ZNF385B: variants seen among roughly 807,000 people sequenced by gnomAD.
ZNF385B encodes zinc finger protein 385B.
Under a neutral mutation model 39.2 loss-of-function variants are expected in ZNF385B, and 23 were observed. The ratio of observed to expected loss-of-function variants is 0.59; its 90% CI spans 0.42 to 0.83. The LOEUF (loss-of-function observed/expected upper bound fraction) is 0.83, where lower values mean the gene tolerates loss of function less well. Ranked by LOEUF, ZNF385B falls within the 40% of genes least tolerant of loss-of-function variation. The probability of loss-of-function intolerance (pLI) is 0.00; values close to 1 mark genes in which losing one functional copy is unlikely to be tolerated. For missense variants in ZNF385B, 552 were observed against 598.9 expected, an observed-to-expected ratio of 0.92 and a Z score of 0.82; for synonymous variants, 205 against 222.6, an observed-to-expected ratio of 0.92 and a Z score of 0.70.
At chr2:179,738,793 C>A (rs972724100) in intron 3 of ZNF385B, among the ~76,000 whole-genome samples, 1 of 152,158 alleles carries the variant, frequency 6.6e-6, no homozygotes, top group African/African-American at 2.4e-5. Flanking sequence ...ATAACATCTA[C>A]AGATTTAATG....
intron 3 of ZNF385B, among the ~76,000 whole-genome samples, chr2:179,670,618 G>A (rs1238362851): frequency 6.6e-6 from 1 of 152,158 alleles, no homozygotes; most frequent in Non-Finnish European, 1.5e-5. Context: ...CAAAAGTTCT[G>A]AAAAGCTAAT....
intron 3 of ZNF385B, among the ~76,000 whole-genome samples, chr2:179,713,258 G>T (rs1005634432): frequency 6.6e-6 from 1 of 152,118 alleles, no homozygotes. Flanking sequence ...TGGAAAATAG[G>T]ATAAATGCAT....
At chr2:179,446,917 A>T (rs1295050988) in intron 6 of ZNF385B, 147 bp from the exon 7 acceptor site, 1 of 986,386 alleles carries the variant, frequency 1.0e-6, no homozygotes. Flanking sequence ...GGTTAAATCA[A>T]CCTCTATGTT....
At chr2:179,512,223 A>G (rs1196522891) in intron 5 of ZNF385B, among the ~76,000 whole-genome samples, 1 of 152,096 alleles carries the variant, frequency 6.6e-6, no homozygotes, top group Admixed American at 6.6e-5. Flanking sequence ...TTTATAATAA[A>G]CTGTTCTGAG....
chr2:179,509,300 G>C (rs1421079535), intron 5 of ZNF385B, among the ~76,000 whole-genome samples: 1 of 152,022 alleles, frequency 6.6e-6, no homozygotes, highest in Non-Finnish European at 1.5e-5. Context: ...ATAAGGTAAT[G>C]CTGAGAAAGG....
chr2:179,691,383 CT>C (rs2106344316), intron 3 of ZNF385B, among the ~76,000 whole-genome samples: 1 of 152,214 alleles, frequency 6.6e-6, no homozygotes, highest in South Asian at 2.1e-4. Flanking sequence ...GAAGAAATAT[CT>C]AAATGTCAGT....
intron 1 of ZNF385B, among the ~76,000 whole-genome samples, chr2:179,771,696 T>C (rs1704022523): frequency 6.6e-6 from 1 of 152,212 alleles, no homozygotes; most frequent in Non-Finnish European, 1.5e-5. Flanking sequence ...CTCATACACC[T>C]TAAGAAAATA....
intron 5 of ZNF385B, among the ~76,000 whole-genome samples, chr2:179,501,128 T>C (rs916822488): frequency 6.6e-6 from 1 of 152,174 alleles, no homozygotes; most frequent in Non-Finnish European, 1.5e-5. Flanking sequence ...GGAACCCTTG[T>C]GCACTATTGG....
At chr2:179,582,563 C>T (rs1016614039) in intron 3 of ZNF385B, among the ~76,000 whole-genome samples, 1 of 152,086 alleles carries the variant, frequency 6.6e-6, no homozygotes, top group Admixed American at 6.6e-5. Context: ...TCCTTTAGTT[C>T]TTGAGGAGAC....
intron 3 of ZNF385B, among the ~76,000 whole-genome samples, chr2:179,641,790 A>G (rs1692289180): frequency 6.6e-6 from 1 of 152,128 alleles, no homozygotes; most frequent in Non-Finnish European, 1.5e-5. Flanking sequence ...GAGCTAAAGG[A>G]AGGACGAGCC....
chr2:179,719,556 C>T (rs958516476), intron 3 of ZNF385B, among the ~76,000 whole-genome samples: 22 of 152,214 alleles, frequency 1.4e-4, no homozygotes, highest in African/African-American at 2.7e-4. Context: ...GGCAAATATA[C>T]GGGCTGCATT....
intron 6 of ZNF385B, among the ~76,000 whole-genome samples, chr2:179,450,065 C>A (rs1189756859): frequency 6.6e-6 from 1 of 152,044 alleles, no homozygotes; most frequent in Non-Finnish European, 1.5e-5. Flanking sequence ...AAAGCTGAAA[C>A]TGGATCCCTT....
At chr2:179,561,225 C>T (rs1398448119) in intron 3 of ZNF385B, among the ~76,000 whole-genome samples, 3 of 152,042 alleles carry the variant, frequency 2.0e-5, no homozygotes, top group East Asian at 1.9e-4. Context: ...GAAAATGATG[C>T]TTGGGATAAA....
intron 4 of ZNF385B, among the ~76,000 whole-genome samples, chr2:179,528,513 C>G (rs935058566): frequency 6.6e-6 from 1 of 152,068 alleles, no homozygotes; most frequent in African/African-American, 2.4e-5. Context: ...GATATTACAA[C>G]AAAATAATGT....
At chr2:179,623,979 T>A (rs1421128797) in intron 3 of ZNF385B, among the ~76,000 whole-genome samples, 1 of 152,196 alleles carries the variant, frequency 6.6e-6, no homozygotes, top group Non-Finnish European at 1.5e-5. Flanking sequence ...CCATATTTTT[T>A]AAAAATTGGC....
At chr2:179,778,195 G>T (rs1704455239) in intron 1 of ZNF385B, among the ~76,000 whole-genome samples, 1 of 152,168 alleles carries the variant, frequency 6.6e-6, no homozygotes, top group Non-Finnish European at 1.5e-5. Flanking sequence ...CTTTATATGA[G>T]GAAGTCTAGA....
intron 3 of ZNF385B, among the ~76,000 whole-genome samples, chr2:179,724,468 T>C (rs1257052468): frequency 6.6e-6 from 1 of 152,194 alleles, no homozygotes; most frequent in Non-Finnish European, 1.5e-5. Context: ...GTTATGTAAA[T>C]TCTTCCAAAG....
chr2:179,754,572 T>G (rs940190718), intron 3 of ZNF385B, among the ~76,000 whole-genome samples: 5 of 152,222 alleles, frequency 3.3e-5, no homozygotes, highest in Non-Finnish European at 7.3e-5. Context: ...GGACTTTTTT[T>G]GGTTGATAGG....
chr2:179,676,146 T>C (rs1442443959), intron 3 of ZNF385B, among the ~76,000 whole-genome samples: 1 of 150,996 alleles, frequency 6.6e-6, no homozygotes, highest in Non-Finnish European at 1.5e-5. Flanking sequence ...TGGAGTGCAG[T>C]GGCACGATCT....
Sources: allele counts gnomAD v4.1 joint callset (sites outside exome capture counted in the v4.1 genomes callset), GRCh38; gene constraint gnomAD v4.1.1; transcripts MANE v1.5; gene names NCBI Gene and HGNC (gene_info 2026-07-23, HGNC 2026-07-21).